SLC39A14: variants seen among roughly 807,000 people sequenced by gnomAD.
The protein encoded by SLC39A14 is solute carrier family 39 member 14.
Under a neutral mutation model 45.5 loss-of-function variants are expected in SLC39A14, and 19 were observed. That is an observed-to-expected ratio of 0.42 (90% confidence interval 0.29 to 0.61). The LOEUF is 0.61. SLC39A14 is among the 20% of genes least tolerant of loss of function. SLC39A14 has a pLI of 0.22. For missense variants in SLC39A14, 447 were observed against 616.5 expected (o/e 0.73, Z 2.91); for synonymous variants, 264 against 251.3 (o/e 1.05, Z -0.48).
chr8:22,411,291 A>C (rs1835550994), intron 3 of SLC39A14, among the ~76,000 whole-genome samples: 1 of 152,146 alleles, frequency 6.6e-6, no homozygotes, highest in Admixed American at 6.6e-5. Flanking sequence ...AGAGTGTCAC[A>C]ACTGGGAAAT....
At chr8:22,398,333 A>G (rs28464547) in intron 1 of SLC39A14, 20,847 of 152,338 alleles carry the variant, frequency 0.14, 1,461 homozygotes, top group East Asian at 0.19. Context: ...ACCCTGGCGA[A>G]GTCCTGTGCA....
intron 1 of SLC39A14, among the ~76,000 whole-genome samples, chr8:22,387,172 T>TAA (rs71544897): frequency 0.23 from 32,583 of 142,646 alleles, 4,285 homozygotes; most frequent in East Asian, 0.49. Flanking sequence ...GACCCTGTCT[T>TAA]AAAAAAAAAA....
intron 1 of SLC39A14, among the ~76,000 whole-genome samples, chr8:22,377,712 G>A (rs1054409562): frequency 6.6e-6 from 1 of 152,086 alleles, no homozygotes; most frequent in Non-Finnish European, 1.5e-5. Context: ...TATTATCGTG[G>A]CCCTGATTAA....
chr8:22,394,771 T>A (rs967946874), intron 1 of SLC39A14, among the ~76,000 whole-genome samples: 5 of 152,174 alleles, frequency 3.3e-5, no homozygotes, highest in Non-Finnish European at 7.3e-5. Context: ...GGAAGGGGAC[T>A]ATATTTTCTG....
At chr8:22,401,819 A>T (rs1834886996) in intron 1 of SLC39A14, among the ~76,000 whole-genome samples, 1 of 151,768 alleles carries the variant, frequency 6.6e-6, no homozygotes, top group Non-Finnish European at 1.5e-5. Flanking sequence ...TACAGGCGTG[A>T]GCCACTGTGC....
chr8:22,402,883 A>T, intron 1 of SLC39A14, among the ~76,000 whole-genome samples: 1 of 152,174 alleles, frequency 6.6e-6, no homozygotes, highest in East Asian at 1.9e-4. Context: ...TTGTTTACTA[A>T]TTTGTACAGT....
In SLC39A14 at chr8:22,408,443, A is replaced by G. The variant is rs763095255; in HGVS notation, c.404A>G (p.Gln135Arg). The change falls in exon 3 of 9, where the codon CAG (glutamine) becomes CGG (arginine). Residue 135 changes from glutamine to arginine, a missense_variant. This residue lies in a region of SLC39A14 where 342 missense variants were observed against 428.1 expected (regional missense o/e 0.80). Coordinates refer to ENST00000381237, the MANE Select transcript of SLC39A14 (RefSeq NM_001128431.4). Reference protein sequence around the residue: ...LDSRACTSENQENEENEQTEE... With the variant: ...LDSRACTSENRENEENEQTEE... Reference sequence around the variant, plus strand: ...TCCCGGGCCTGCACCTCGGAGAACCAGGAAAACGAGGAGAATGAGCAGACG... The same window carrying G: ...TCCCGGGCCTGCACCTCGGAGAACCGGGAAAACGAGGAGAATGAGCAGACG... 3 of 1,614,174 alleles carry G rather than the reference A, an allele frequency of 1.9e-6. No individual in the cohort carries two copies. The highest frequency in any genetic ancestry group is 2.2e-5 in the South Asian group (2 of 91,066).
intron 1 of SLC39A14, among the ~76,000 whole-genome samples, chr8:22,387,363 G>T (rs764837321): frequency 2.6e-5 from 4 of 152,120 alleles, no homozygotes; most frequent in Non-Finnish European, 4.4e-5. Flanking sequence ...GCCTGTCCGA[G>T]TTGCAAGCTA....
downstream of SLC39A14, chr8:22,422,769 A>G: frequency 1.0e-6 from 1 of 960,194 alleles, no homozygotes; most frequent in East Asian, 1.2e-4. Context: ...ACTGACGTAC[A>G]AAGTTTTGTT....
At chr8:22,372,210 C>G (rs915140454) in intron 1 of SLC39A14, among the ~76,000 whole-genome samples, 1 of 151,984 alleles carries the variant, frequency 6.6e-6, no homozygotes, top group African/African-American at 2.4e-5. Flanking sequence ...TCATTTCTTT[C>G]ATTTTATTAA....
At position 22,390,158 on chromosome 8, in the gene SLC39A14, G is replaced by C. The variant is rs116305849; in HGVS notation, c.-15-14538G>C. 3.7e-3 allele frequency: 626 copies of C among 169,144 alleles called. 5 individuals are homozygous for C. Among genetic ancestry groups the C allele is most frequent in the African/African-American group, 0.014 (589 of 41,826 alleles). The allele number at this position is 169,144 out of a possible 1,614,324, so 10.5% of individuals were successfully genotyped here. A position where few individuals can be genotyped will look rare whatever the true frequency, so the allele number is the denominator to read the frequency against. ...GTGGGGAACACTGCAGACGCCTCTG[G>C]TTTTGCCATGGTAACATCTGTGGGT... On this transcript the variant is annotated intron_variant, in intron 1 of 8. Coordinates refer to ENST00000381237, the MANE Select transcript of SLC39A14 (RefSeq NM_001128431.4).
intron 1 of SLC39A14, among the ~76,000 whole-genome samples, chr8:22,377,062 C>G (rs1833257299): frequency 6.6e-6 from 1 of 152,156 alleles, no homozygotes. Flanking sequence ...TAATGATTCT[C>G]TATTTCCCTC....
At chr8:22,412,842 G>C (rs1374507321) in intron 4 of SLC39A14, among the ~76,000 whole-genome samples, 2 of 152,096 alleles carry the variant, frequency 1.3e-5, no homozygotes, top group Non-Finnish European at 2.9e-5. Context: ...TATTCGGGAG[G>C]CACAAGAATC....
chr8:22,433,862 T>C (rs1478941273), intron 8 of SLC39A14: 5 of 318,434 alleles, frequency 1.6e-5, no homozygotes, highest in Non-Finnish European at 2.6e-5. Flanking sequence ...CACTCGGCCA[T>C]GTTTATGTTT....
intron 1 of SLC39A14, among the ~76,000 whole-genome samples, chr8:22,386,024 C>G (rs1450318095): frequency 1.3e-5 from 2 of 152,154 alleles, no homozygotes; most frequent in African/African-American, 4.8e-5. Flanking sequence ...ACTGCAACCT[C>G]TGCCTCCTGG....
At chr8:22,379,229 A>G (rs559449523) in intron 1 of SLC39A14, among the ~76,000 whole-genome samples, 1 of 152,298 alleles carries the variant, frequency 6.6e-6, no homozygotes, top group South Asian at 2.1e-4. Context: ...AATCCAGGAC[A>G]ATTTCATCTT....
intron 8 of SLC39A14, 106 bp downstream of exon 8, chr8:22,417,941 C>T (rs1001582125): frequency 2.4e-5 from 24 of 979,690 alleles, no homozygotes; most frequent in Middle Eastern, 6.5e-4. Context: ...CTCACTCTGT[C>T]TCCCAGGCTG....
chr8:22,411,926 G>T, intron 3 of SLC39A14, 111 bp from the exon 4 acceptor site: 55 of 960,004 alleles, frequency 5.7e-5, no homozygotes, highest in South Asian at 2.6e-4. Flanking sequence ...TTTTCCTTGC[G>T]ACCTCCCTAT....
chr8:22,409,902 A>C, intron 3 of SLC39A14: 1 of 1,608,126 alleles, frequency 6.2e-7, no homozygotes, highest in Non-Finnish European at 8.5e-7. Flanking sequence ...GAGTGTCCCC[A>C]CCCTCAGTAA....
Sources: allele counts gnomAD v4.1 joint callset (sites outside exome capture counted in the v4.1 genomes callset), GRCh38; gene constraint gnomAD v4.1.1; regional missense constraint gnomAD v4.1.1; transcripts MANE v1.5; gene names NCBI Gene and HGNC (gene_info 2026-07-23, HGNC 2026-07-21).